The following LRRC4C variants were observed in gnomAD, a reference collection of about 807,000 sequenced individuals.
LRRC4C encodes leucine rich repeat containing 4C, also known as leucine-rich repeat-containing protein 4C.
In LRRC4C, 5 loss-of-function variants were observed where a neutral mutation model predicts 33.6. That is an observed-to-expected ratio of 0.15 (90% CI 0.08 to 0.31). The LOEUF is 0.31. Ranked by LOEUF, LRRC4C falls within the 10% of genes least tolerant of loss-of-function variation. The pLI is 1.00. For synonymous variants in LRRC4C, 329 were observed against 302.0 expected, an observed-to-expected ratio of 1.09 and a Z score of -0.93; for missense variants, 560 against 796.7, an observed-to-expected ratio of 0.70 and a Z score of 3.58.
At chr11:41,362,550 C>T (rs1195007473) in intron 1 of LRRC4C, among the ~76,000 whole-genome samples, 1 of 151,944 alleles carries the variant, frequency 6.6e-6, no homozygotes, top group African/African-American at 2.4e-5. Flanking sequence ...TAAGGGGGTC[C>T]AGGGAGTTCC....
intron 1 of LRRC4C, among the ~76,000 whole-genome samples, chr11:41,095,764 A>C (rs1358967464): frequency 6.6e-6 from 1 of 152,208 alleles, no homozygotes; most frequent in Non-Finnish European, 1.5e-5. Flanking sequence ...TTTTCACTGC[A>C]GGTGAAGACA....
At chr11:40,866,870 A>G (rs1954393892) in intron 2 of LRRC4C, among the ~76,000 whole-genome samples, 1 of 152,104 alleles carries the variant, frequency 6.6e-6, no homozygotes. Flanking sequence ...CTGTAGCCTC[A>G]CAGACCATTT....
At chr11:40,562,215 T>C (rs76281211) in intron 3 of LRRC4C, among the ~76,000 whole-genome samples, 2,567 of 152,326 alleles carry the variant, frequency 0.017, 38 homozygotes, top group South Asian at 0.034. Context: ...AAAGCCCTAA[T>C]TGGTAGGTTT....
chr11:41,245,895 C>G (rs1047031209), intron 1 of LRRC4C, among the ~76,000 whole-genome samples: 1 of 152,124 alleles, frequency 6.6e-6, no homozygotes, highest in African/African-American at 2.4e-5. Flanking sequence ...GTTGTCTGCC[C>G]GAGTCTGGCT....
chr11:41,289,133 G>A (rs1363637680), intron 1 of LRRC4C, among the ~76,000 whole-genome samples: 1 of 152,072 alleles, frequency 6.6e-6, no homozygotes, highest in Admixed American at 6.5e-5. Flanking sequence ...GGATACCAGG[G>A]TGTTGGAATC....
chr11:40,578,260 G>A (rs1233655622), intron 3 of LRRC4C, among the ~76,000 whole-genome samples: 3 of 145,170 alleles, frequency 2.1e-5, no homozygotes, highest in African/African-American at 7.7e-5. Flanking sequence ...TATGCCCCTG[G>A]CAAACAGGTG....
chr11:40,845,785 A>T (rs74606101), intron 2 of LRRC4C, among the ~76,000 whole-genome samples: 2,542 of 152,280 alleles, frequency 0.017, 34 homozygotes, highest in South Asian at 0.04. Context: ...GAACTAATTT[A>T]CGCTACCATC....
At chr11:40,423,931 T>C (rs1950620026) in intron 3 of LRRC4C, among the ~76,000 whole-genome samples, 1 of 152,198 alleles carries the variant, frequency 6.6e-6, no homozygotes, top group Admixed American at 6.5e-5. Flanking sequence ...TATACATACC[T>C]TTTATATGGT....
intron 1 of LRRC4C, among the ~76,000 whole-genome samples, chr11:40,957,946 G>A (rs957773893): frequency 6.6e-6 from 1 of 151,148 alleles, no homozygotes; most frequent in Non-Finnish European, 1.5e-5. Flanking sequence ...TAATCCCCAA[G>A]GTGATACTAT....
intron 2 of LRRC4C, among the ~76,000 whole-genome samples, chr11:40,689,507 T>G (rs531743263): frequency 5.3e-5 from 8 of 152,242 alleles, no homozygotes; most frequent in Admixed American, 6.6e-5. Flanking sequence ...GAACAAGTAT[T>G]AATATTTATA....
chr11:41,109,412 T>A (rs1246358406), intron 1 of LRRC4C, among the ~76,000 whole-genome samples: 1 of 152,082 alleles, frequency 6.6e-6, no homozygotes, highest in African/African-American at 2.4e-5. Flanking sequence ...ATGGTTTAGA[T>A]ATACTGTTAT....
At chr11:41,265,647 T>C (rs1440527188) in intron 1 of LRRC4C, among the ~76,000 whole-genome samples, 1 of 152,088 alleles carries the variant, frequency 6.6e-6, no homozygotes, top group Non-Finnish European at 1.5e-5. Flanking sequence ...AGAAGAAATA[T>C]CAACTTTATA....
intron 3 of LRRC4C, among the ~76,000 whole-genome samples, chr11:40,342,442 C>G (rs1343066222): frequency 6.6e-6 from 1 of 152,092 alleles, no homozygotes; most frequent in East Asian, 1.9e-4. Flanking sequence ...GCACTCCAGC[C>G]TGGCGGCAGA....
At chr11:40,953,695 C>T (rs1414977178) in intron 1 of LRRC4C, among the ~76,000 whole-genome samples, 4 of 151,544 alleles carry the variant, frequency 2.6e-5, no homozygotes, top group Non-Finnish European at 4.4e-5. Flanking sequence ...TTTTTCTGAC[C>T]ATGTGGCATA....
chr11:40,614,743 T>G (rs1429117154), intron 3 of LRRC4C, among the ~76,000 whole-genome samples: 1 of 151,622 alleles, frequency 6.6e-6, no homozygotes, highest in South Asian at 2.1e-4. Context: ...GTAGGGTTAT[T>G]AACTATCTTA....
At chr11:40,295,333 T>C (rs1420266508) in intron 4 of LRRC4C, among the ~76,000 whole-genome samples, 1 of 152,138 alleles carries the variant, frequency 6.6e-6, no homozygotes, top group Non-Finnish European at 1.5e-5. Flanking sequence ...TATATATATA[T>C]ATGGAATAGA....
chr11:40,176,968 C>T (rs1249685804), intron 5 of LRRC4C, among the ~76,000 whole-genome samples: 3 of 118,568 alleles, frequency 2.5e-5, no homozygotes, highest in South Asian at 3.2e-4. Flanking sequence ...GAGTCTCGCT[C>T]TGTCGCCCAG....
At chr11:41,126,484 G>A (rs1407313369) in intron 1 of LRRC4C, among the ~76,000 whole-genome samples, 1 of 151,892 alleles carries the variant, frequency 6.6e-6, no homozygotes, top group East Asian at 1.9e-4. Context: ...GATATATGGG[G>A]TCTCACCAGA....
chr11:40,730,266 A>T (rs962614131), intron 2 of LRRC4C, among the ~76,000 whole-genome samples: 6 of 152,304 alleles, frequency 3.9e-5, no homozygotes, highest in Admixed American at 3.9e-4. Context: ...AAAAAATAAA[A>T]AAAAACTTCA....
Sources: gnomAD v4.1 joint callset for allele counts (sites outside exome capture counted in the v4.1 genomes callset) on GRCh38, gnomAD v4.1.1 for gene constraint, MANE v1.5 for transcripts, NCBI Gene and HGNC (gene_info 2026-07-23, HGNC 2026-07-21) for gene names.